PRKRA: variants seen among roughly 807,000 people sequenced by gnomAD.
The protein encoded by PRKRA is protein activator of interferon induced protein kinase EIF2AK2, also known as interferon-inducible double-stranded RNA-dependent protein kinase activator A.
In PRKRA, 22 loss-of-function variants were observed where a neutral mutation model predicts 32.4. That is an observed-to-expected ratio of 0.68 (90% CI 0.49 to 0.97). PRKRA has a LOEUF of 0.97. Ranked by LOEUF, PRKRA falls within the 50% of genes least tolerant of loss-of-function variation. PRKRA has a pLI of 0.00. For missense variants in PRKRA, 319 were observed against 375.6 expected, an observed-to-expected ratio of 0.85 and a Z score of 1.25; for synonymous variants, 139 against 129.8, an observed-to-expected ratio of 1.07 and a Z score of -0.48.
chr2:178,434,846 C>T (rs1696821971), intron 7 of PRKRA, among the ~76,000 whole-genome samples: 1 of 151,840 alleles, frequency 6.6e-6, no homozygotes, highest in Non-Finnish European at 1.5e-5. Context: ...TTTGGCCAGG[C>T]ACGGTGGCTC....
At chr2:178,444,191 G>C (rs1348858904) in intron 4 of PRKRA, among the ~76,000 whole-genome samples, 1 of 152,166 alleles carries the variant, frequency 6.6e-6, no homozygotes, top group Admixed American at 6.6e-5. Context: ...AGGGCCTGTT[G>C]ATCTTAAATG....
intron 3 of PRKRA, among the ~76,000 whole-genome samples, chr2:178,444,897 A>T (rs1697258557): frequency 6.6e-6 from 1 of 152,244 alleles, no homozygotes; most frequent in African/African-American, 2.4e-5. Context: ...TCACTTACCT[A>T]CATAAGCTTT....
rs1207835048 is a variant in PRKRA at position 178,432,117 on chromosome 2, T to C, written c.922A>G (p.Ile308Val). ...CAGATTTACTTTCTTTCTGCTATTA[T>C]CTTTAAATACTGCAAAGCATTGTGA... ...AAHNALQYLK[I>V]IAERK is the part of the protein sequence containing the mutation. Residue 308 changes from isoleucine (I) to valine (V), a missense_variant, in exon 8 of 8, where the codon ATA becomes GTA. Ile to Val is a conservative substitution (Grantham distance 29, BLOSUM62 3). Coordinates refer to ENST00000325748, the MANE Select transcript of PRKRA (RefSeq NM_003690.5). 2 of 1,614,122 alleles carry C rather than the reference T, an allele frequency of 1.2e-6. No individual in the cohort carries two copies. Among genetic ancestry groups the C allele is most frequent in the African/African-American group, 1.3e-5 (1 of 74,946 alleles).
intron 6 of PRKRA, among the ~76,000 whole-genome samples, chr2:178,441,289 A>G (rs7598830): frequency 1 from 152,312 of 152,314 alleles, 76,155 homozygotes; most frequent in Middle Eastern, 1. Flanking sequence ...AATGTTTGCT[A>G]AGTGAATGAA....
At chr2:178,444,346 A>G in intron 4 of PRKRA, 76 bp downstream of exon 4, 1 of 948,852 alleles carries the variant, frequency 1.1e-6, no homozygotes, top group Non-Finnish European at 1.5e-6. Context: ...TAAAATATTA[A>G]TTCCTTGTGT....
At position 178,450,426 on chromosome 2, in the gene PRKRA, A is replaced by G. The variant is rs1420146820; in HGVS notation, c.66-15T>C. The G allele has an allele frequency of 2.4e-6, 2 of 820,110 alleles. No individual in the cohort carries two copies. Among genetic ancestry groups the G allele is most frequent in the South Asian group, 1.8e-5 (1 of 55,272 alleles). The allele number at this position is 820,110 out of a possible 1,614,324, so 50.8% of individuals were successfully genotyped here. ...TCTTCCCCAAACTGCAAAAACCACA[A>G]AAAGGTGTGCTTTGCATGCCAAATT... is the stretch of plus-strand genomic sequence containing the variant. On this transcript the variant is annotated splice_polypyrimidine_tract_variant and intron_variant, in intron 1 of 7. Coordinates refer to ENST00000325748, the MANE Select transcript of PRKRA (RefSeq NM_003690.5).
At chr2:178,449,625 G>A (rs1232279490) in intron 2 of PRKRA, among the ~76,000 whole-genome samples, 3 of 152,170 alleles carry the variant, frequency 2.0e-5, no homozygotes, top group Non-Finnish European at 2.9e-5. Context: ...TGACTTCATT[G>A]CTATACGCAT....
chr2:178,443,487 G>C, intron 4 of PRKRA, 103 bp from the exon 5 acceptor site: 6 of 570,726 alleles, frequency 1.1e-5, no homozygotes, highest in Non-Finnish European at 1.8e-5. Flanking sequence ...TGTTTGAAAA[G>C]AATAGTGATA....
At position 178,446,849 on chromosome 2, in the gene PRKRA, T is replaced by C. The variant is rs372486725; in HGVS notation, c.317+656A>G. Among the ~76,000 whole-genome samples, 47 of 151,760 alleles carry C rather than the reference T, an allele frequency of 3.1e-4. No individual in the cohort carries two copies. The East Asian group carries it at 7.2e-3, about 23-fold the overall frequency. ...TCTACTAAAAATACAAAAAATTAGC[T>C]GGGCGTAGTGGCGGGCGCCTGTAGT... On this transcript the variant is annotated intron_variant, in intron 3 of 7. Transcript: ENST00000325748.
chr2:178,433,438 A>T (rs1192487161), intron 7 of PRKRA: 1 of 152,186 alleles, frequency 6.6e-6, no homozygotes, highest in Non-Finnish European at 1.5e-5. Flanking sequence ...AGCTTATTCC[A>T]TGGAGGCTGA....
intron 4 of PRKRA, 47 bp downstream of exon 4, chr2:178,444,375 A>G (rs1443820541): frequency 8.7e-7 from 1 of 1,144,272 alleles, no homozygotes; most frequent in Non-Finnish European, 1.2e-6. Context: ...CTGACATTAC[A>G]AACTTATTAT....
At chr2:178,447,418 T>G in intron 3 of PRKRA, 87 bp downstream of exon 3, 4 of 1,343,630 alleles carry the variant, frequency 3.0e-6, no homozygotes, top group Non-Finnish European at 3.9e-6. Flanking sequence ...CTGTTCACTT[T>G]GTTGCTTTTG....
In PRKRA at chr2:178,443,307, TTC is replaced by T; in HGVS notation, c.472_473del (p.Glu158IlefsTer28). On this transcript the variant is annotated frameshift_variant, in exon 5 of 8. Coordinates refer to ENST00000325748, the MANE Select transcript of PRKRA (RefSeq NM_003690.5). LOFTEE classifies it high-confidence loss of function. Reference sequence around the variant, plus strand: ...ACTCTAGCCTGCAAATTGTAGTATATTCTCTCTTATGAGCAGGTCCTCCCTCC... The same window carrying T: ...ACTCTAGCCTGCAAATTGTAGTATATTCTCTTATGAGCAGGTCCTCCCTCC... ...SQEGGPAHKREYTTICRLESF... is the reference protein window; with the variant it reads ...SQEGGPAHKRXYTTICRLESF... 6.2e-7 allele frequency: 1 copy of T among 1,612,748 alleles called. No homozygotes were observed. Among genetic ancestry groups the T allele is most frequent in the Admixed American group, 1.7e-5 (1 of 60,032 alleles).
rs370029277 is a variant in PRKRA at position 178,444,757 on chromosome 2, A to G, written c.318-257T>C. ...TCCCTTCTTTGAAACATTATAACAC[A>G]TGGTTTAATCCTTTCTTGAAATTGT... On this transcript the variant is annotated intron_variant, in intron 3 of 7. Coordinates refer to ENST00000325748, the MANE Select transcript of PRKRA (RefSeq NM_003690.5). Among the ~76,000 whole-genome samples, 43 of 152,330 alleles carry G rather than the reference A, an allele frequency of 2.8e-4. 3 individuals are homozygous for G. In the South Asian group the frequency reaches 8.3e-3, roughly 29 times the overall value.
chr2:178,446,336 C>T (rs1697312399), intron 3 of PRKRA, among the ~76,000 whole-genome samples: 1 of 152,198 alleles, frequency 6.6e-6, no homozygotes, highest in South Asian at 2.1e-4. Context: ...AATTATAATG[C>T]ATGACCCTAG....
intron 5 of PRKRA, among the ~76,000 whole-genome samples, 184 bp downstream of exon 5, chr2:178,443,083 G>C (rs1697176894): frequency 6.6e-6 from 1 of 152,138 alleles, no homozygotes; most frequent in Non-Finnish European, 1.5e-5. Context: ...ATCAAATTAA[G>C]AAGACTAAGT....
Position 178,444,452 on chromosome 2 carries a change from C to T in PRKRA, c.366G>A (p.Lys122=). Residue 122 remains lysine (K), a synonymous_variant, in exon 4 of 8, where the codon AAG becomes AAA. Transcript: ENST00000325748. Reference sequence around the variant, plus strand: ...ATGAACCAATAGGATTAAGCTGGTTCTTTGGTTGCTTGGAAGGGTCAGGCA... The same window carrying T: ...ATGAACCAATAGGATTAAGCTGGTTTTTTGGTTGCTTGGAAGGGTCAGGCA... ...PLMPDPSKQP[K]NQLNPIGSLQ... The T allele has an allele frequency of 6.2e-7, 1 of 1,606,038 alleles. No homozygotes were observed. The highest frequency in any genetic ancestry group is 2.2e-5 in the East Asian group (1 of 44,850).
chr2:178,450,164 A>G, intron 2 of PRKRA, 78 bp downstream of exon 2: 2 of 1,290,654 alleles, frequency 1.5e-6, no homozygotes, highest in Non-Finnish European at 2.0e-6. Context: ...CAAAAAGAGA[A>G]CTTTTCCGAA....
chr2:178,447,257 T>C, intron 3 of PRKRA: 1 of 538,104 alleles, frequency 1.9e-6, no homozygotes, highest in Non-Finnish European at 3.3e-6. Context: ...TTTCTACTGT[T>C]GTATCCCATT....
Sources: gnomAD v4.1 joint callset for allele counts (sites outside exome capture counted in the v4.1 genomes callset) on GRCh38, gnomAD v4.1.1 for gene constraint, MANE v1.5 for transcripts, NCBI Gene and HGNC (gene_info 2026-07-23, HGNC 2026-07-21) for gene names.